Variants in TBL1X observed in about 807,000 individuals in gnomAD.
TBL1X encodes F-box-like/WD repeat-containing protein TBL1X.
A neutral mutation model predicts 50.7 loss-of-function variants in TBL1X; 10 were observed. That is an observed-to-expected ratio of 0.20 (90% confidence interval 0.12 to 0.33). The LOEUF (loss-of-function observed/expected upper bound fraction) is 0.33, where lower values mean the gene tolerates loss of function less well. Among genes scored for constraint, TBL1X ranks in the 10% least tolerant of loss-of-function variants. The pLI is 1.00. For missense variants in TBL1X, 340 were observed against 504.4 expected, an observed-to-expected ratio of 0.67 and a Z score of 3.12; for synonymous variants, 190 against 214.7, an observed-to-expected ratio of 0.88 and a Z score of 1.01.
At chrX:9,550,119 C>T (rs191202100) in intron 2 of TBL1X, among the ~76,000 whole-genome samples, 54 of 111,148 alleles carry the variant, frequency 4.9e-4, no homozygotes, top group African/African-American at 1.6e-3. Flanking sequence ...TATTTCTGAT[C>T]TTGGCTGCTT....
At chrX:9,491,491 C>T (rs1383917280) in intron 1 of TBL1X, among the ~76,000 whole-genome samples, 3 of 106,533 alleles carry the variant, frequency 2.8e-5, no homozygotes, top group Non-Finnish European at 5.8e-5. Flanking sequence ...CAGGTGCATA[C>T]CACCACACCC....
chrX:9,469,514 G>A (rs897510185), intron 1 of TBL1X, among the ~76,000 whole-genome samples: 1 of 112,568 alleles, frequency 8.9e-6, no homozygotes, highest in African/African-American at 3.2e-5. Flanking sequence ...ATTGGGTCTG[G>A]AAAGGTATCA....
chrX:9,520,761 A>G (rs867464573), intron 2 of TBL1X, among the ~76,000 whole-genome samples: 1 of 109,731 alleles, frequency 9.1e-6, no homozygotes, highest in African/African-American at 3.3e-5. Context: ...TGGGGGAAGG[A>G]TTTTTTTACA....
chrX:9,648,733 G>T (rs1015908642), intron 3 of TBL1X, among the ~76,000 whole-genome samples: 2 of 112,435 alleles, frequency 1.8e-5, no homozygotes, highest in Non-Finnish European at 3.8e-5. Context: ...GGTTTGCAGT[G>T]ACCTTCTCTG....
chrX:9,612,015 G>A (rs1428909477), intron 2 of TBL1X, among the ~76,000 whole-genome samples: 3 of 112,807 alleles, frequency 2.7e-5, no homozygotes, highest in East Asian at 2.8e-4. Flanking sequence ...CCTTTCGATC[G>A]CCTGGGCGTT....
At chrX:9,675,067 C>CA (rs2146620141) in intron 5 of TBL1X, among the ~76,000 whole-genome samples, 1 of 112,037 alleles carries the variant, frequency 8.9e-6, no homozygotes, top group East Asian at 2.8e-4. Context: ...CATTTGCCCT[C>CA]ACGCTACTTA....
intron 17 of TBL1X, 52 bp downstream of exon 17, chrX:9,715,055 G>T (rs1231846771): frequency 1.8e-6 from 2 of 1,083,512 alleles, no homozygotes; most frequent in African/African-American, 1.8e-5. Context: ...GGCAGCTGAT[G>T]CCTAAGTGAG....
intron 1 of TBL1X, among the ~76,000 whole-genome samples, chrX:9,495,451 C>T (rs1601713981): frequency 1.8e-5 from 2 of 110,456 alleles, no homozygotes; most frequent in African/African-American, 3.3e-5. Context: ...ATGTTGTACA[C>T]GCATACACTT....
intron 1 of TBL1X, among the ~76,000 whole-genome samples, chrX:9,485,408 GTCTTT>G (rs925619371): frequency 8.9e-6 from 1 of 112,352 alleles, no homozygotes; most frequent in Non-Finnish European, 1.9e-5. Flanking sequence ...GAACATGTCA[GTCTTT>G]TCTTTGGGCT....
chrX:9,558,163 A>G (rs1371135523), intron 2 of TBL1X, among the ~76,000 whole-genome samples: 2 of 112,741 alleles, frequency 1.8e-5, no homozygotes, highest in Admixed American at 9.4e-5. Flanking sequence ...GAAACATTAC[A>G]TAATAAGAAT....
intron 16 of TBL1X, among the ~76,000 whole-genome samples, chrX:9,712,799 G>A (rs1237252524): frequency 8.9e-6 from 1 of 111,954 alleles, no homozygotes; most frequent in Non-Finnish European, 1.9e-5. Flanking sequence ...GCTGTAAAGT[G>A]TAGAAATGGA....
intron 2 of TBL1X, among the ~76,000 whole-genome samples, chrX:9,613,985 CAAAAAAAA>C (rs34481376): frequency 4.0e-5 from 2 of 50,251 alleles, no homozygotes; most frequent in Non-Finnish European, 7.5e-5. Context: ...GACTCCATCT[CAAAAAAAA>C]AAAAAAAAAA....
chrX:9,464,853 G>A (rs1357947811), upstream of TBL1X, among the ~76,000 whole-genome samples: 2 of 110,378 alleles, frequency 1.8e-5, no homozygotes, highest in Admixed American at 1.9e-4. Flanking sequence ...CAGGGGCTGG[G>A]TTGGGACGCG....
chrX:9,620,049 A>G (rs1359332877), intron 2 of TBL1X, among the ~76,000 whole-genome samples: 1 of 112,322 alleles, frequency 8.9e-6, no homozygotes, highest in African/African-American at 3.2e-5. Context: ...GGTGCTATTA[A>G]TCTCTTCAAT....
chrX:9,697,252 C>T (rs1336132008), intron 11 of TBL1X, 117 bp from the exon 12 acceptor site: 7 of 963,199 alleles, frequency 7.3e-6, no homozygotes, highest in Non-Finnish European at 8.7e-6. Context: ...CTCTCTATCT[C>T]TATTGGACAG....
rs141438719 is a variant in TBL1X, at chrX:9,491,751, G to A, written c.-200-10029G>A. On this transcript the variant is annotated intron_variant, in intron 1 of 17. Transcript: ENST00000645353. ...CATATTGATGCTCGGTTTCTGTGTG[G>A]CAATTAGGAGAAAAGGTCCTTGTCA... 9.4e-3 allele frequency among the ~76,000 whole-genome samples: 1,039 copies of A among 110,651 alleles called. 13 individuals carry two copies. Among genetic ancestry groups the A allele is most frequent in the African/African-American group, 0.033 (995 of 30,359 alleles).
chrX:9,563,745 T>C (rs1452339522), intron 2 of TBL1X, among the ~76,000 whole-genome samples: 1 of 112,649 alleles, frequency 8.9e-6, no homozygotes, highest in Non-Finnish European at 1.9e-5. Context: ...CAGAAAGTTT[T>C]ATTGGACAGA....
intron 3 of TBL1X, among the ~76,000 whole-genome samples, chrX:9,646,888 G>A (rs1400976824): frequency 8.9e-6 from 1 of 112,218 alleles, no homozygotes. Flanking sequence ...TCATCAGCTC[G>A]TGCTTCCTTC....
intron 1 of TBL1X, among the ~76,000 whole-genome samples, chrX:9,475,679 A>AT (rs1259575812): frequency 1.8e-5 from 2 of 111,182 alleles, no homozygotes; most frequent in East Asian, 5.6e-4. Flanking sequence ...TCATCTCTAA[A>AT]TTTAAGGTCT....
Sources: allele counts gnomAD v4.1 joint callset (sites outside exome capture counted in the v4.1 genomes callset), GRCh38; gene constraint gnomAD v4.1.1; transcripts MANE v1.5; gene names NCBI Gene and HGNC (gene_info 2026-07-23, HGNC 2026-07-21).